Variants in TFEC observed in about 807,000 individuals in gnomAD.
TFEC encodes class E basic helix-loop-helix protein 34.
In TFEC, 31 loss-of-function variants were observed where a neutral mutation model predicts 41.6. That is an observed-to-expected ratio of 0.74 (90% CI 0.56 to 1.01). The LOEUF (loss-of-function observed/expected upper bound fraction) is 1.01, where lower values mean the gene tolerates loss of function less well. Ranked by LOEUF, TFEC falls within the 50% of genes least tolerant of loss-of-function variation. TFEC has a pLI of 0.00. For synonymous variants in TFEC, 143 were observed against 140.6 expected, an observed-to-expected ratio of 1.02 and a Z score of -0.12; for missense variants, 402 against 404.1, an observed-to-expected ratio of 0.99 and a Z score of 0.04.
chr7:116,107,328 C>A (rs1390106370), intron 3 of TFEC, among the ~76,000 whole-genome samples: 1 of 152,184 alleles, frequency 6.6e-6, no homozygotes, highest in Non-Finnish European at 1.5e-5. Context: ...TCTAAAAAAA[C>A]TGAGCATAGC....
Position 116,020,698 on chromosome 7 carries a change from T to C in TFEC, c.-73+9935A>G, listed in dbSNP as rs539881257. Among the ~76,000 whole-genome samples, 3 of 152,222 alleles carry C rather than the reference T, an allele frequency of 2.0e-5. No homozygotes were observed. The South Asian group carries it at 6.2e-4, about 32-fold the overall frequency. Reference sequence around the variant, plus strand: ...AGAAAATATTACTGCTTAGCAATTTTAAGAAAAGTGTCATTATTTTAAAGT... The same window carrying C: ...AGAAAATATTACTGCTTAGCAATTTCAAGAAAAGTGTCATTATTTTAAAGT... On this transcript the variant is annotated intron_variant, in intron 1 of 7. Transcript: ENST00000265440.
At chr7:115,994,800 GGATCTA>G (rs1259606643) in intron 1 of TFEC, among the ~76,000 whole-genome samples, 1 of 152,246 alleles carries the variant, frequency 6.6e-6, no homozygotes, top group Non-Finnish European at 1.5e-5. Context: ...GATTCCTCAA[GGATCTA>G]GAACTAGAAA....
chr7:116,030,911 C>T (rs1228770305), upstream of TFEC: 1 of 764,284 alleles, frequency 1.3e-6, no homozygotes, highest in African/African-American at 1.9e-5. Flanking sequence ...CTTTCTTTAT[C>T]TGAAATATGC....
intron 1 of TFEC, among the ~76,000 whole-genome samples, chr7:116,119,613 T>C (rs1168305512): frequency 6.6e-6 from 1 of 151,730 alleles, no homozygotes; most frequent in Non-Finnish European, 1.5e-5. Flanking sequence ...TTAAATAAAA[T>C]GATTACACTA....
chr7:115,943,114 C>T (rs1324549740), intron 6 of TFEC, among the ~76,000 whole-genome samples: 3 of 151,996 alleles, frequency 2.0e-5, no homozygotes, highest in African/African-American at 7.2e-5. Context: ...TGGATAAGAG[C>T]TCTGTTCTAC....
At chr7:115,946,427 G>C (rs1791560401) in intron 6 of TFEC, among the ~76,000 whole-genome samples, 1 of 150,570 alleles carries the variant, frequency 6.6e-6, no homozygotes, top group Admixed American at 6.6e-5. Flanking sequence ...GTGTGTGTGT[G>C]TGTGTGTGTG....
chr7:115,989,880 G>C (rs1417179498), intron 1 of TFEC, among the ~76,000 whole-genome samples: 1 of 152,176 alleles, frequency 6.6e-6, no homozygotes, highest in Non-Finnish European at 1.5e-5. Flanking sequence ...GAGAGTAGTG[G>C]TTCTCCCAGC....
At chr7:116,123,006 A>C (rs930531285) in intron 1 of TFEC, among the ~76,000 whole-genome samples, 3 of 152,108 alleles carry the variant, frequency 2.0e-5, no homozygotes, top group African/African-American at 7.2e-5. Context: ...CAATCCCCCC[A>C]TCTTACTTGA....
intron 2 of TFEC, among the ~76,000 whole-genome samples, chr7:115,982,590 T>G (rs1441877063): frequency 6.6e-6 from 1 of 152,194 alleles, no homozygotes; most frequent in African/African-American, 2.4e-5. Context: ...TGTGATTAAA[T>G]GGACATTAAT....
chr7:115,989,464 G>A (rs1794007764), intron 1 of TFEC, among the ~76,000 whole-genome samples: 1 of 152,206 alleles, frequency 6.6e-6, no homozygotes, highest in African/African-American at 2.4e-5. Context: ...CACCCGGGAA[G>A]CATAAGGGGT....
rs973603150 is a variant in TFEC at position 115,951,609 on chromosome 7, G to C, written c.440-660C>G. ...CTGGAAGGATTGTTAAAATAGATTTGCACCACACACTTAAAGATTCTAATT... is the reference window on the plus strand; with the variant it reads ...CTGGAAGGATTGTTAAAATAGATTTCCACCACACACTTAAAGATTCTAATT... On this transcript the variant is annotated intron_variant, in intron 5 of 7. Transcript: ENST00000265440. 2.6e-5 allele frequency among the ~76,000 whole-genome samples: 4 copies of C among 152,008 alleles called. 1 individual carries two copies. In the South Asian group the frequency reaches 8.3e-4, roughly 32 times the overall value.
In TFEC at chr7:115,936,865, C is replaced by A. The variant is rs536023839; in HGVS notation, c.*3686G>T. On this transcript the variant is annotated 3_prime_UTR_variant, in exon 8 of 8. Coordinates refer to ENST00000265440, the MANE Select transcript of TFEC (RefSeq NM_012252.4). Reference sequence around the variant, plus strand: ...CTATTTCTCAATGTCCCCAGCTCATCTGGCTATTTATTATTTAGGGCTTTT... The same window carrying A: ...CTATTTCTCAATGTCCCCAGCTCATATGGCTATTTATTATTTAGGGCTTTT... 1 of 151,592 alleles carries A rather than the reference C, an allele frequency of 6.6e-6. No individual in the cohort carries two copies. Among genetic ancestry groups the A allele is most frequent in the South Asian group, 2.1e-4 (1 of 4,824 alleles). 9.4% of individuals were successfully genotyped at this position (151,592 alleles called of 1,614,324 possible). A position where few individuals can be genotyped will look rare whatever the true frequency, so the allele number is the denominator to read the frequency against.
At chr7:116,005,376 G>C (rs770971428) in intron 1 of TFEC, among the ~76,000 whole-genome samples, 1 of 152,184 alleles carries the variant, frequency 6.6e-6, no homozygotes, top group African/African-American at 2.4e-5. Context: ...ATAAGGTCCA[G>C]GATGAGGTGG....
intron 1 of TFEC, among the ~76,000 whole-genome samples, chr7:116,029,833 G>A (rs1184504024): frequency 6.6e-6 from 1 of 151,912 alleles, no homozygotes; most frequent in East Asian, 1.9e-4. Flanking sequence ...GGCCAAGGCA[G>A]GCAGATCATG....
intron 1 of TFEC, among the ~76,000 whole-genome samples, chr7:116,008,614 T>C (rs1794889913): frequency 1.3e-5 from 2 of 152,156 alleles, no homozygotes; most frequent in South Asian, 2.1e-4. Flanking sequence ...TACCAACTCA[T>C]AAAAGCCACA....
intron 3 of TFEC, among the ~76,000 whole-genome samples, chr7:116,096,993 G>A (rs1797477570): frequency 6.6e-6 from 1 of 152,044 alleles, no homozygotes; most frequent in South Asian, 2.1e-4. Context: ...GGGAGGCTGA[G>A]GCAGGAGAAT....
chr7:115,940,404 T>C lies in TFEC; in HGVS notation c.*147A>G. 1 of 861,408 alleles carries C rather than the reference T, an allele frequency of 1.2e-6. No homozygotes were observed. Among genetic ancestry groups the C allele is most frequent in the East Asian group, 2.8e-5 (1 of 35,772 alleles). 53.4% of individuals were successfully genotyped at this position (861,408 alleles called of 1,614,324 possible). A position where few individuals can be genotyped will look rare whatever the true frequency, so the allele number is the denominator to read the frequency against. The stretch of plus-strand genomic sequence containing the variant: ...CACTATGATTTTTCTTCCTGCGAAT[T>C]CTTCTGTTGCTTCTATCAGTTTTTC... On this transcript the variant is annotated 3_prime_UTR_variant, in exon 8 of 8. Coordinates refer to ENST00000265440, the MANE Select transcript of TFEC (RefSeq NM_012252.4).
At chr7:115,985,168 C>T (rs150059446) in intron 1 of TFEC, among the ~76,000 whole-genome samples, 1 of 152,024 alleles carries the variant, frequency 6.6e-6, no homozygotes, top group African/African-American at 2.4e-5. Flanking sequence ...TATGACTTGA[C>T]AGGAGCATTC....
chr7:116,155,978 AT>A (rs1798862444), intron 1 of TFEC, among the ~76,000 whole-genome samples: 1 of 152,144 alleles, frequency 6.6e-6, no homozygotes, highest in South Asian at 2.1e-4. Context: ...TTTAAAAAAT[AT>A]TGCATTAATA....
Sources: allele counts gnomAD v4.1 joint callset (sites outside exome capture counted in the v4.1 genomes callset), GRCh38; gene constraint gnomAD v4.1.1; transcripts MANE v1.5; gene names NCBI Gene and HGNC (gene_info 2026-07-23, HGNC 2026-07-21).